PIWIL1: variants seen among roughly 807,000 people sequenced by gnomAD.
PIWIL1 encodes piwi-like protein 1.
In PIWIL1, 73 loss-of-function variants were observed where a neutral mutation model predicts 114.4. That is an observed-to-expected ratio of 0.64 (90% CI 0.53 to 0.78). The LOEUF is 0.78. Among genes scored for constraint, PIWIL1 ranks in the 30% least tolerant of loss-of-function variants. The pLI is 0.00. For missense variants in PIWIL1, 723 were observed against 1,063.1 expected, an observed-to-expected ratio of 0.68 and a Z score of 4.45; for synonymous variants, 375 against 369.0, an observed-to-expected ratio of 1.02 and a Z score of -0.19.
intron 1 of PIWIL1, chr12:130,339,809 G>A (rs1464806389): frequency 2.0e-5 from 3 of 152,218 alleles, no homozygotes; most frequent in Non-Finnish European, 4.4e-5. Flanking sequence ...AGGGCTGAGA[G>A]CCGCTCCCCA....
chr12:130,366,405 G>T, intron 18 of PIWIL1: 1 of 152,514 alleles, frequency 6.6e-6, no homozygotes, highest in Non-Finnish European at 1.5e-5. Context: ...GGGATCTGCC[G>T]GGACGGACAG....
At chr12:130,345,597 C>A in intron 3 of PIWIL1, 156 bp from the exon 4 acceptor site, 2 of 706,406 alleles carry the variant, frequency 2.8e-6, no homozygotes, top group Non-Finnish European at 4.6e-6. Context: ...TCTCGTTAGG[C>A]TGGCAGATAC....
At chr12:130,339,526 T>C (rs1244604261) in intron 1 of PIWIL1, 1 of 152,162 alleles carries the variant, frequency 6.6e-6, no homozygotes, top group Non-Finnish European at 1.5e-5. Context: ...TTGGCAGAGC[T>C]GGTAGCGAAT....
the PIWIL1 span, among the ~76,000 whole-genome samples, chr12:130,422,962 G>T: frequency 6.6e-6 from 1 of 152,210 alleles, no homozygotes; most frequent in African/African-American, 2.4e-5. This position sits in a 1 kb window ranked among gnomAD's most constrained non-coding sequence, Gnocchi z 5.2. Context: ...AAGTGGGGAA[G>T]ATGTTGCAGT....
the PIWIL1 span, chr12:130,399,544 C>A: frequency 1.0e-5 from 10 of 976,100 alleles, 1 homozygote; most frequent in East Asian, 2.5e-5. Context: ...CCCATGGCTT[C>A]AGGGCAGAGA....
chr12:130,353,308 G>A lies in PIWIL1; in HGVS notation c.1045-1229G>A, dbSNP rs984013574. 9.1e-5 allele frequency among the ~76,000 whole-genome samples: 10 copies of A among 110,004 alleles called. 2 individuals carry two copies. Among genetic ancestry groups the A allele is most frequent in the African/African-American group, 2.7e-4 (9 of 32,794 alleles). 72.2% of individuals were successfully genotyped at this position (110,004 alleles called of 152,430 possible). A position where few individuals can be genotyped will look rare whatever the true frequency, so the allele number is the denominator to read the frequency against. On this transcript the variant is annotated intron_variant, in intron 9 of 20. Transcript: ENST00000245255. The stretch of plus-strand genomic sequence containing the variant: ...TTTTGTTCTTCTGGTGTGCTCAGTG[G>A]AGGTGTGTGGTTTTTTCTTCTGGTG...
intron 14 of PIWIL1, among the ~76,000 whole-genome samples, chr12:130,360,383 C>T (rs1422765158): frequency 6.6e-6 from 1 of 152,180 alleles, no homozygotes; most frequent in South Asian, 2.1e-4. Flanking sequence ...CACCTGTAAT[C>T]CCAGCACTTT....
intron 7 of PIWIL1, among the ~76,000 whole-genome samples, chr12:130,348,912 A>C (rs970378891): frequency 6.6e-6 from 1 of 150,962 alleles, no homozygotes; most frequent in Non-Finnish European, 1.5e-5. Context: ...TAAATAAAAA[A>C]CAAAATATTG....
chr12:130,377,751 G>C, the PIWIL1 span, among the ~76,000 whole-genome samples: 3 of 152,222 alleles, frequency 2.0e-5, no homozygotes, highest in African/African-American at 4.8e-5. Flanking sequence ...TGTGGCCTCA[G>C]CTGTGGCAGG....
chr12:130,371,246 T>C lies in PIWIL1; in HGVS notation c.2392T>C (p.Tyr798His), dbSNP rs1432187382. 6.2e-7 allele frequency: 1 copy of C among 1,614,226 alleles called. No homozygotes were observed. Among genetic ancestry groups the C allele is most frequent in the Non-Finnish European group, 8.5e-7 (1 of 1,180,024 alleles). Residue 798 changes from tyrosine (Y) to histidine (H), a missense_variant, in exon 20 of 21, where the codon TAT becomes CAT. Coordinates refer to ENST00000245255, the MANE Select transcript of PIWIL1 (RefSeq NM_004764.5). ...SVSPTHYNVIYDNSGLKPDHI... is the reference protein window; with the variant it reads ...SVSPTHYNVIHDNSGLKPDHI... ...TTCTCCCACACATTACAATGTCATC[T>C]ATGACAACAGCGGCCTGAAGCCAGA...
the PIWIL1 span, among the ~76,000 whole-genome samples, chr12:130,377,776 A>G: frequency 6.6e-6 from 1 of 152,188 alleles, no homozygotes; most frequent in Non-Finnish European, 1.5e-5. Context: ...GAGGTACCTT[A>G]GCACAAGCGG....
chr12:130,424,555 C>G, the PIWIL1 span: 4 of 1,232,006 alleles, frequency 3.2e-6, no homozygotes, highest in South Asian at 1.2e-4. The surrounding 1 kb of genome is among the most constrained non-coding windows in gnomAD (Gnocchi z 9.8). Flanking sequence ...AACCGACAGC[C>G]CCTGTCTTCC....
At position 130,349,220 on chromosome 12, in the gene PIWIL1, C is replaced by T; in HGVS notation, c.735-19C>T. The T allele has an allele frequency of 6.2e-7, 1 of 1,600,856 alleles. No homozygotes were observed. ...TTGAATGTGGAGAGGTTCTTCATGA[C>T]CCCCATCTCGTCTGACAGGTTGGTG... On this transcript the variant is annotated intron_variant, in intron 7 of 20. Transcript: ENST00000245255.
At chr12:130,424,643 G>A in the PIWIL1 span, 171 of 1,231,866 alleles carry the variant, frequency 1.4e-4, no homozygotes, top group Middle Eastern at 3.1e-4. This position sits in a 1 kb window ranked among gnomAD's most constrained non-coding sequence, Gnocchi z 9.8. Flanking sequence ...GAGGGGCCTC[G>A]TCGCCCCTGT....
At chr12:130,346,747 T>C (rs567524348) in intron 5 of PIWIL1, among the ~76,000 whole-genome samples, 163 bp downstream of exon 5, 163 of 152,312 alleles carry the variant, frequency 1.1e-3, no homozygotes, top group African/African-American at 3.6e-3. Context: ...ATTGTCAGAT[T>C]TGTCTGGGTA....
intron 1 of PIWIL1, among the ~76,000 whole-genome samples, chr12:130,341,666 T>G (rs1294203033): frequency 1.3e-5 from 2 of 152,240 alleles, no homozygotes; most frequent in African/African-American, 4.8e-5. Flanking sequence ...GTGCAGTAGG[T>G]TATTCCAACC....
intron 4 of PIWIL1, 108 bp from the exon 5 acceptor site, chr12:130,346,262 C>T (rs1022680178): frequency 1.3e-6 from 1 of 770,306 alleles, no homozygotes; most frequent in Admixed American, 2.4e-5. Context: ...TTGTCTGCTG[C>T]TCTTAGCCTT....
At chr12:130,374,615 CA>C (rs1189906176), downstream of PIWIL1, among the ~76,000 whole-genome samples, 2 of 152,168 alleles carry the variant, frequency 1.3e-5, no homozygotes, top group Admixed American at 1.3e-4. Flanking sequence ...TGCCAGAACT[CA>C]AGTGGGCACC....
At chr12:130,407,438 A>G in the PIWIL1 span, among the ~76,000 whole-genome samples, 3 of 152,188 alleles carry the variant, frequency 2.0e-5, no homozygotes, top group African/African-American at 7.2e-5. Context: ...CTCAGGTGGC[A>G]TCACCATTAG....
Sources: allele counts gnomAD v4.1 joint callset (sites outside exome capture counted in the v4.1 genomes callset), GRCh38; gene constraint gnomAD v4.1.1; non-coding constraint Gnocchi (gnomAD v3.1); transcripts MANE v1.5; gene names NCBI Gene and HGNC (gene_info 2026-07-23, HGNC 2026-07-21).